DMXL1: variants seen among roughly 807,000 people sequenced by gnomAD.
DMXL1 encodes Dmx like 1.
A neutral mutation model predicts 319.2 loss-of-function variants in DMXL1; 99 were observed. The ratio of observed to expected loss-of-function variants is 0.31; its 90% CI spans 0.26 to 0.37. The LOEUF is 0.37. DMXL1 is among the 10% of genes least tolerant of loss of function. The pLI, the probability that DMXL1 is intolerant of heterozygous loss-of-function variation, is 1.00. For missense variants in DMXL1, 3,745 were observed against 3,595.6 expected, an observed-to-expected ratio of 1.04 and a Z score of -1.06; for synonymous variants, 1,385 against 1,235.2, an observed-to-expected ratio of 1.12 and a Z score of -2.54.
Position 119,134,370 on chromosome 5 carries a change from T to G in DMXL1, c.2357T>G (p.Leu786Arg). 1 of 1,610,416 alleles carries G rather than the reference T, an allele frequency of 6.2e-7. No homozygotes were observed. The change falls in exon 13 of 44, where the codon CTT becomes CGT. Residue 786 changes from leucine to arginine, a missense_variant. Transcript: ENST00000539542. ...VIDAKKLLSE[L>R]SNPEISKYVG... Reference sequence around the variant, plus strand: ...GATGCTAAGAAACTTTTATCTGAGCTTTCTAACCCTGAAATTTCTGTAAGT... The same window carrying G: ...GATGCTAAGAAACTTTTATCTGAGCGTTCTAACCCTGAAATTTCTGTAAGT...
chr5:119,144,715 A>T, intron 15 of DMXL1, 77 bp downstream of exon 15: 1 of 863,582 alleles, frequency 1.2e-6, no homozygotes, highest in African/African-American at 1.8e-5. Flanking sequence ...AATTGGTAAA[A>T]TGCTTTACAT....
Position 119,105,067 on chromosome 5 carries a change from T to A in DMXL1, c.286-113T>A, listed in dbSNP as rs914681796. ...TTGTTGACTGAACTGAACATTTTGT[T>A]ATCTTTAAAATTGACTGCCTGTGTT... is the stretch of plus-strand genomic sequence containing the variant. On this transcript the variant is annotated intron_variant, in intron 3 of 43. Transcript: ENST00000539542. 4.4e-6 allele frequency: 3 copies of A among 678,220 alleles called. No homozygotes were observed. The African/African-American group carries it at 5.4e-5, about 12-fold the overall frequency. The allele number at this position is 678,220 out of a possible 1,614,324, so 42.0% of individuals were successfully genotyped here.
Position 119,240,401 on chromosome 5 carries a change from CTTTT to C in DMXL1, c.8652-8_8652-5del. ...AGCTTTTGTGTCACTCAGAAGTAAT[CTTTT>C]TTTTTTTTTCCAGAAACGTATGTTT... is the stretch of plus-strand genomic sequence containing the variant. On this transcript the variant is annotated splice_polypyrimidine_tract_variant and intron_variant, in intron 41 of 43. Coordinates refer to ENST00000539542, the MANE Select transcript of DMXL1 (RefSeq NM_001290321.3). 3 of 1,252,502 alleles carry C rather than the reference CTTTT, an allele frequency of 2.4e-6. No homozygotes were observed. Among genetic ancestry groups the C allele is most frequent in the Non-Finnish European group, 3.3e-6 (3 of 899,062 alleles). 77.6% of individuals were successfully genotyped at this position (1,252,502 alleles called of 1,614,324 possible). A position where few individuals can be genotyped will look rare whatever the true frequency, so the allele number is the denominator to read the frequency against.
rs1764551626 is a variant in DMXL1, at chr5:119,130,249, G to A, written c.1315+826G>A. Among the ~76,000 whole-genome samples the A allele has an allele frequency of 2.6e-5, 4 of 152,020 alleles. 1 individual carries two copies. The South Asian group carries it at 8.3e-4, about 31-fold the overall frequency. ...CCTTCCAGTTTGATTCTTTGCTTATGCTCACACAAACATCTAAATACAGAC... is the reference window on the plus strand; with the variant it reads ...CCTTCCAGTTTGATTCTTTGCTTATACTCACACAAACATCTAAATACAGAC... On this transcript the variant is annotated intron_variant, in intron 10 of 43. Coordinates refer to ENST00000539542, the MANE Select transcript of DMXL1 (RefSeq NM_001290321.3).
chr5:119,215,828 G>T (rs1325767697), intron 34 of DMXL1, among the ~76,000 whole-genome samples: 1 of 151,990 alleles, frequency 6.6e-6, no homozygotes, highest in Admixed American at 6.5e-5. Context: ...TGGGTGTGGT[G>T]GCTCACGCCC....
chr5:119,162,444 T>A (rs1169955683), intron 19 of DMXL1, among the ~76,000 whole-genome samples: 1 of 152,196 alleles, frequency 6.6e-6, no homozygotes, highest in East Asian at 1.9e-4. Context: ...ACCAGCAGAT[T>A]TGGTGTCTGG....
At chr5:119,091,976 G>T (rs1052085030) in intron 1 of DMXL1, among the ~76,000 whole-genome samples, 1 of 152,136 alleles carries the variant, frequency 6.6e-6, no homozygotes, top group Non-Finnish European at 1.5e-5. Flanking sequence ...GGTTAGGGCT[G>T]GGACAGATAT....
At chr5:119,159,680 C>T (rs1016533128) in intron 19 of DMXL1, among the ~76,000 whole-genome samples, 11 of 152,104 alleles carry the variant, frequency 7.2e-5, no homozygotes, top group South Asian at 2.1e-4. Context: ...GCTGGAGTGC[C>T]GTGGCGCCTC....
Position 119,121,937 on chromosome 5 carries a change from C to T in DMXL1, c.1102+798C>T, listed in dbSNP as rs552108326. Reference sequence around the variant, plus strand: ...TGACCCCCCCCACCTCCCTCCCGGACGGGGCGGCTGGCCGGGCAGAGTGGC... The same window carrying T: ...TGACCCCCCCCACCTCCCTCCCGGATGGGGCGGCTGGCCGGGCAGAGTGGC... On this transcript the variant is annotated intron_variant, in intron 9 of 43. Coordinates refer to ENST00000539542, the MANE Select transcript of DMXL1 (RefSeq NM_001290321.3). Among the ~76,000 whole-genome samples, 7 of 137,688 alleles carry T rather than the reference C, an allele frequency of 5.1e-5. No individual in the cohort carries two copies. In the South Asian group the frequency reaches 7.2e-4, roughly 14 times the overall value. The allele number at this position is 137,688 out of a possible 152,430, so 90.3% of individuals were successfully genotyped here. A position where few individuals can be genotyped will look rare whatever the true frequency, so the allele number is the denominator to read the frequency against.
At chr5:119,077,122 C>T (rs1751049926) in intron 1 of DMXL1, among the ~76,000 whole-genome samples, 1 of 152,192 alleles carries the variant, frequency 6.6e-6, no homozygotes, top group East Asian at 1.9e-4. Flanking sequence ...TCCCAAAGTG[C>T]TGGGATTACA....
rs1389722385 is a variant in DMXL1 at position 119,144,553 on chromosome 5, A to G, written c.2484A>G (p.Gln828=). The change falls in exon 15 of 44, where the codon CAA becomes CAG. Residue 828 remains glutamine, a synonymous_variant. Coordinates refer to ENST00000539542, the MANE Select transcript of DMXL1 (RefSeq NM_001290321.3). The part of the protein sequence containing the change: ...PITKLHGRKT[Q]LLHVFEEDFI... ...ATATTCAGCATGGCAGAAAAACCCAACTGCTTCATGTTTTTGAAGAAGACT... is the reference window on the plus strand; with the variant it reads ...ATATTCAGCATGGCAGAAAAACCCAGCTGCTTCATGTTTTTGAAGAAGACT... 4.4e-6 allele frequency: 7 copies of G among 1,602,278 alleles called. No homozygotes were observed. In the East Asian group the frequency reaches 1.1e-4, roughly 26 times the overall value.
rs780362049 is a variant in DMXL1 at position 119,189,785 on chromosome 5, C to T, written c.7213C>T (p.Pro2405Ser). The T allele has an allele frequency of 3.7e-6, 6 of 1,614,042 alleles. No individual in the cohort carries two copies. Among genetic ancestry groups the T allele is most frequent in the Non-Finnish European group, 4.2e-6 (5 of 1,179,990 alleles). ...AAAAATGTCTTGCAGAGAATCTGCC[C>T]CACTGACCCCTTCCTCGGCACCAGT... ...PSKMSCRESA[P>S]LTPSSAPVSQ... The change falls in exon 29 of 44, where the codon CCA (proline) becomes TCA (serine). Residue 2405 changes from proline to serine, a missense_variant. This residue lies in a region of DMXL1 where 1,382 missense variants were observed against 1,269.5 expected (regional missense o/e 1.09). Coordinates refer to ENST00000539542, the MANE Select transcript of DMXL1 (RefSeq NM_001290321.3).
intron 28 of DMXL1, chr5:119,178,524 A>G (rs1222591694): frequency 3.1e-5 from 23 of 732,710 alleles, no homozygotes; most frequent in Admixed American, 6.3e-5. Flanking sequence ...ACACTGTAAT[A>G]TTGGTTTTTG....
chr5:119,197,745 C>T lies in DMXL1; in HGVS notation c.7544-10C>T. On this transcript the variant is annotated splice_polypyrimidine_tract_variant and intron_variant, in intron 31 of 43. Coordinates refer to ENST00000539542, the MANE Select transcript of DMXL1 (RefSeq NM_001290321.3). ...CATAAGATTAATATGAGTCAATGTT[C>T]CCATTTTAGAGCTTCCAGTTAGTTC... 1.2e-6 allele frequency: 2 copies of T among 1,613,168 alleles called. No individual in the cohort carries two copies. Among genetic ancestry groups the T allele is most frequent in the Non-Finnish European group, 1.7e-6 (2 of 1,179,382 alleles).
chr5:119,191,055 A>C (rs1561837480), intron 29 of DMXL1, among the ~76,000 whole-genome samples: 1 of 152,228 alleles, frequency 6.6e-6, no homozygotes, highest in Non-Finnish European at 1.5e-5. Context: ...TTATTTAAAA[A>C]AACTTTTTCT....
rs116658813 is a variant in DMXL1, at chr5:119,187,641, C to T, written c.7136-2067C>T. Among the ~76,000 whole-genome samples, 892 of 152,044 alleles carry T rather than the reference C, an allele frequency of 5.9e-3. 3 individuals carry two copies. The highest frequency in any genetic ancestry group is 6.5e-3 in the Non-Finnish European group (440 of 67,984). ...ACTGCCGATTTTTTTTCCTTTGGTC[C>T]TGCTTCATTAAAAGTGTTGTTTTTG... On this transcript the variant is annotated intron_variant, in intron 28 of 43. Coordinates refer to ENST00000539542, the MANE Select transcript of DMXL1 (RefSeq NM_001290321.3).
chr5:119,079,630 C>G (rs575288326), intron 1 of DMXL1, among the ~76,000 whole-genome samples: 3 of 152,140 alleles, frequency 2.0e-5, no homozygotes, highest in Non-Finnish European at 4.4e-5. Context: ...CACATTGATG[C>G]TAATTTGAAT....
At position 119,196,408 on chromosome 5, in the gene DMXL1, C is replaced by A. The variant is rs141344531; in HGVS notation, c.7495C>A (p.Leu2499Ile). The change falls in exon 31 of 44, where the codon CTC becomes ATC. Residue 2499 changes from leucine to isoleucine, a missense_variant. Physicochemically the swap from Leu to Ile is conservative, Grantham distance 5 (BLOSUM62 2). Around this residue, in one of 4 missense-constraint regions of DMXL1, gnomAD observed 1,382 missense variants for 1,269.5 expected, o/e 1.09. Transcript: ENST00000539542. ...LMRLAMVQLV[L>I]NNLKTFYPFA... ...GCGGTTGGCGATGGTGCAATTGGTG[C>A]TCAACAATTTGAAGACTTTTTATCC... 3.7e-6 allele frequency: 6 copies of A among 1,613,612 alleles called. No homozygotes were observed. In the African/African-American group the frequency reaches 8.0e-5, roughly 22 times the overall value.
At chr5:119,230,901 A>G (rs1786586908) in intron 38 of DMXL1, among the ~76,000 whole-genome samples, 3 of 152,150 alleles carry the variant, frequency 2.0e-5, no homozygotes, top group South Asian at 4.1e-4. Context: ...AAATAAATAA[A>G]TAAATAGGAT....
Sources: gnomAD v4.1 joint callset for allele counts (sites outside exome capture counted in the v4.1 genomes callset) on GRCh38, gnomAD v4.1.1 for gene constraint, gnomAD v4.1.1 regional missense constraint, MANE v1.5 for transcripts, NCBI Gene and HGNC (gene_info 2026-07-23, HGNC 2026-07-21) for gene names.